The following CHSY3 variants were observed in gnomAD, a reference collection of about 807,000 sequenced individuals.
CHSY3 encodes the protein N-acetylgalactosaminyl-proteoglycan 3-beta-glucuronosyltransferase 3.
Under a neutral mutation model 67.2 loss-of-function variants are expected in CHSY3, and 35 were observed. That is an observed-to-expected ratio of 0.52 (90% CI 0.40 to 0.69). The LOEUF (loss-of-function observed/expected upper bound fraction) is 0.69. Ranked by LOEUF, CHSY3 falls within the 30% of genes least tolerant of loss-of-function variation. The probability of loss-of-function intolerance (pLI) is 0.00; values close to 1 mark genes in which losing one functional copy is unlikely to be tolerated. For missense variants in CHSY3, 1,069 were observed against 1,138.5 expected, an observed-to-expected ratio of 0.94 and a Z score of 0.88; for synonymous variants, 474 against 434.7, an observed-to-expected ratio of 1.09 and a Z score of -1.12.
At chr5:130,008,885 T>C (rs564527740) in intron 2 of CHSY3, among the ~76,000 whole-genome samples, 1 of 152,302 alleles carries the variant, frequency 6.6e-6, no homozygotes, top group East Asian at 1.9e-4. Context: ...AGATTAATTC[T>C]GTGAATCAAC....
intron 2 of CHSY3, among the ~76,000 whole-genome samples, chr5:130,081,477 A>C (rs1766445406): frequency 6.6e-6 from 1 of 151,944 alleles, no homozygotes; most frequent in Non-Finnish European, 1.5e-5. Context: ...GTGATGATTA[A>C]ATTAGATAGG....
chr5:129,909,795 T>C, intron 2 of CHSY3, among the ~76,000 whole-genome samples: 1 of 151,934 alleles, frequency 6.6e-6, no homozygotes, highest in East Asian at 1.9e-4. Context: ...GCTGTTATTG[T>C]TTTGCAGGTA....
At chr5:130,066,280 A>G (rs1039331929) in intron 2 of CHSY3, among the ~76,000 whole-genome samples, 1 of 151,966 alleles carries the variant, frequency 6.6e-6, no homozygotes, top group Admixed American at 6.6e-5. Flanking sequence ...ATTTCAGAAC[A>G]CTCTGGGGAT....
At chr5:129,982,398 T>C (rs1040957646) in intron 2 of CHSY3, among the ~76,000 whole-genome samples, 4 of 152,132 alleles carry the variant, frequency 2.6e-5, no homozygotes, top group African/African-American at 7.2e-5. Context: ...AAAAATTCAT[T>C]TCCGTTATCC....
At chr5:129,957,812 C>T (rs1456774852) in intron 2 of CHSY3, among the ~76,000 whole-genome samples, 1 of 152,026 alleles carries the variant, frequency 6.6e-6, no homozygotes, top group Admixed American at 6.6e-5. Context: ...ATATTAATTT[C>T]AATATAAACA....
At chr5:130,179,700 G>T (rs1156756432) in intron 2 of CHSY3, among the ~76,000 whole-genome samples, 1 of 149,906 alleles carries the variant, frequency 6.7e-6, no homozygotes. Flanking sequence ...TTTTTCTGGG[G>T]GCAAAAGGAA....
intron 2 of CHSY3, among the ~76,000 whole-genome samples, chr5:130,029,202 A>G (rs1764641528): frequency 6.6e-6 from 1 of 152,114 alleles, no homozygotes; most frequent in South Asian, 2.1e-4. Context: ...TGTTCTACCC[A>G]AGTCTCTTGG....
At chr5:129,913,012 TC>T (rs1157492245) in intron 2 of CHSY3, among the ~76,000 whole-genome samples, 2 of 152,226 alleles carry the variant, frequency 1.3e-5, no homozygotes, top group African/African-American at 4.8e-5. Flanking sequence ...TATTGGCCTC[TC>T]CTGTTGGCAA....
intron 2 of CHSY3, among the ~76,000 whole-genome samples, chr5:130,161,228 T>G (rs1769534257): frequency 1.3e-5 from 2 of 152,148 alleles, no homozygotes; most frequent in Non-Finnish European, 2.9e-5. Flanking sequence ...TTAATAGCAC[T>G]TGTTGAATGA....
intron 2 of CHSY3, among the ~76,000 whole-genome samples, chr5:130,127,299 T>C (rs900439541): frequency 1.3e-5 from 2 of 152,172 alleles, no homozygotes; most frequent in African/African-American, 4.8e-5. Flanking sequence ...CATGCCATGC[T>C]CTGTGCCAGA....
At chr5:130,052,239 C>G (rs1344228299) in intron 2 of CHSY3, 1 of 152,162 alleles carries the variant, frequency 6.6e-6, no homozygotes, top group Non-Finnish European at 1.5e-5. Context: ...AATCTGGGCT[C>G]AAGAACCCAT....
intron 2 of CHSY3, among the ~76,000 whole-genome samples, chr5:130,028,985 T>C (rs1764635791): frequency 6.6e-6 from 1 of 151,442 alleles, no homozygotes; most frequent in Non-Finnish European, 1.5e-5. Flanking sequence ...TGTCTGTCCT[T>C]CTATCTTTGC....
chr5:130,064,636 A>G (rs1315373114), intron 2 of CHSY3, among the ~76,000 whole-genome samples: 2 of 152,204 alleles, frequency 1.3e-5, no homozygotes, highest in South Asian at 2.1e-4. Flanking sequence ...CATAATGAGT[A>G]TACCATGTTT....
At chr5:129,958,889 A>G (rs776284277) in intron 2 of CHSY3, among the ~76,000 whole-genome samples, 17 of 152,050 alleles carry the variant, frequency 1.1e-4, no homozygotes, top group Non-Finnish European at 2.2e-4. Context: ...GAGAGAGATT[A>G]TTTTTGAATG....
chr5:130,108,098 G>A (rs1313984846), intron 2 of CHSY3, among the ~76,000 whole-genome samples: 2 of 151,534 alleles, frequency 1.3e-5, no homozygotes, highest in Non-Finnish European at 3.0e-5. Context: ...TGCTACCAAT[G>A]GTCTTGTAAG....
intron 2 of CHSY3, among the ~76,000 whole-genome samples, chr5:129,928,476 G>A (rs1390253583): frequency 1.3e-5 from 2 of 151,980 alleles, no homozygotes; most frequent in East Asian, 3.9e-4. Context: ...GTAAATTTAG[G>A]TGAGTCTCTG....
intron 2 of CHSY3, among the ~76,000 whole-genome samples, chr5:130,049,625 G>A (rs1765268195): frequency 6.6e-6 from 1 of 152,080 alleles, no homozygotes; most frequent in Admixed American, 6.6e-5. Context: ...GGCAAAGTAT[G>A]AAGATAAAAT....
At chr5:130,017,351 T>A (rs1764245337) in intron 2 of CHSY3, among the ~76,000 whole-genome samples, 1 of 152,172 alleles carries the variant, frequency 6.6e-6, no homozygotes, top group Admixed American at 6.5e-5. Flanking sequence ...TGAGATCCCC[T>A]GTCAAACTAG....
chr5:130,157,702 C>T (rs556597163), intron 2 of CHSY3, among the ~76,000 whole-genome samples: 32 of 152,062 alleles, frequency 2.1e-4, no homozygotes, highest in African/African-American at 6.5e-4. Context: ...AGAAAGAATT[C>T]GAGGTGAATC....
Sources: allele counts gnomAD v4.1 joint callset (sites outside exome capture counted in the v4.1 genomes callset), GRCh38; gene constraint gnomAD v4.1.1; transcripts MANE v1.5; gene names NCBI Gene and HGNC (gene_info 2026-07-23, HGNC 2026-07-21).